Variants in ARHGAP26 observed in about 807,000 individuals in gnomAD.
The protein encoded by ARHGAP26 is rho GTPase-activating protein 26.
A neutral mutation model predicts 104.8 loss-of-function variants in ARHGAP26; 38 were observed. That is an observed-to-expected ratio of 0.36 (90% CI 0.28 to 0.48). ARHGAP26 has a LOEUF of 0.48. Ranked by LOEUF, ARHGAP26 falls within the 20% of genes least tolerant of loss-of-function variation. ARHGAP26 has a pLI of 0.99. For missense variants in ARHGAP26, 704 were observed against 947.9 expected, an observed-to-expected ratio of 0.74 and a Z score of 3.38; for synonymous variants, 341 against 340.0, an observed-to-expected ratio of 1.00 and a Z score of -0.03.
At chr5:143,148,111 G>A (rs1562508324) in intron 20 of ARHGAP26, among the ~76,000 whole-genome samples, 3 of 152,142 alleles carry the variant, frequency 2.0e-5, no homozygotes, top group Non-Finnish European at 4.4e-5. Context: ...CAGAAAGAAT[G>A]TGAGGCCATG....
At chr5:143,151,307 C>T (rs7442887) in intron 20 of ARHGAP26, among the ~76,000 whole-genome samples, 1 of 152,202 alleles carries the variant, frequency 6.6e-6, no homozygotes, top group African/African-American at 2.4e-5. Context: ...TGGGAACTCT[C>T]ACTCATTACT....
At chr5:142,936,975 C>G (rs368903718) in intron 11 of ARHGAP26, among the ~76,000 whole-genome samples, 13 of 151,982 alleles carry the variant, frequency 8.6e-5, no homozygotes, top group Non-Finnish European at 1.5e-4. Context: ...AGATGCAATG[C>G]GGAAAGCATA....
chr5:142,976,530 C>CT (rs1024306957), intron 11 of ARHGAP26, among the ~76,000 whole-genome samples: 38 of 152,282 alleles, frequency 2.5e-4, no homozygotes, highest in African/African-American at 8.2e-4. Context: ...TCAATGGAGT[C>CT]TTTAACATCC....
chr5:143,075,082 T>C (rs545967877), intron 17 of ARHGAP26, among the ~76,000 whole-genome samples: 61 of 152,362 alleles, frequency 4.0e-4, no homozygotes, highest in African/African-American at 1.4e-3. Flanking sequence ...CTAGATAGCC[T>C]AAAGCTGCAT....
intron 22 of ARHGAP26, among the ~76,000 whole-genome samples, chr5:143,214,877 G>A (rs1213917130): frequency 2.6e-5 from 4 of 152,204 alleles, no homozygotes; most frequent in Non-Finnish European, 5.9e-5. Flanking sequence ...CCCTTTTATC[G>A]TTCTCAAAGC....
chr5:143,129,262 G>C (rs1236812548), intron 18 of ARHGAP26, among the ~76,000 whole-genome samples: 3 of 152,166 alleles, frequency 2.0e-5, no homozygotes, highest in Non-Finnish European at 4.4e-5. Flanking sequence ...ATCCATTGTT[G>C]AATCTCCAGT....
rs370952380 is a variant in ARHGAP26, at chr5:143,014,608, G to T, written c.1144+492G>T. 2.0e-5 allele frequency among the ~76,000 whole-genome samples: 3 copies of T among 152,144 alleles called. No homozygotes were observed. In the East Asian group the frequency reaches 5.8e-4, roughly 29 times the overall value. Reference sequence around the variant, plus strand: ...TCTTGTGGGAGGAAAGAATGGAGATGAATTCTATGGTAATATTCCTCTCTA... The same window carrying T: ...TCTTGTGGGAGGAAAGAATGGAGATTAATTCTATGGTAATATTCCTCTCTA... On this transcript the variant is annotated intron_variant, in intron 12 of 22. Transcript: ENST00000645722.
At chr5:142,850,539 A>C (rs1338275593) in intron 1 of ARHGAP26, among the ~76,000 whole-genome samples, 1 of 152,228 alleles carries the variant, frequency 6.6e-6, no homozygotes, top group East Asian at 1.9e-4. Context: ...CTTGCATACA[A>C]ACTTTCGAAG....
At chr5:142,912,710 A>G (rs1337887607) in intron 9 of ARHGAP26, among the ~76,000 whole-genome samples, 1 of 152,200 alleles carries the variant, frequency 6.6e-6, no homozygotes, top group African/African-American at 2.4e-5. Context: ...ACATTATTGT[A>G]TTCATCACCT....
chr5:143,149,803 A>C (rs932597667), intron 20 of ARHGAP26, among the ~76,000 whole-genome samples: 3 of 152,144 alleles, frequency 2.0e-5, no homozygotes, highest in Non-Finnish European at 4.4e-5. Context: ...ATTACCATTA[A>C]CTTGACTATT....
At chr5:143,045,907 G>A (rs1054045247) in intron 14 of ARHGAP26, among the ~76,000 whole-genome samples, 2 of 152,146 alleles carry the variant, frequency 1.3e-5, no homozygotes, top group Non-Finnish European at 2.9e-5. Context: ...GTCAAGGTGA[G>A]CGATCACCTG....
chr5:142,964,025 A>G (rs1292569885), intron 11 of ARHGAP26, among the ~76,000 whole-genome samples: 1 of 152,246 alleles, frequency 6.6e-6, no homozygotes. Flanking sequence ...AAGATAAAGC[A>G]AAGCTGAAAT....
At chr5:142,814,286 C>A (rs1269321153) in intron 1 of ARHGAP26, among the ~76,000 whole-genome samples, 1 of 152,250 alleles carries the variant, frequency 6.6e-6, no homozygotes, top group Non-Finnish European at 1.5e-5. Flanking sequence ...CTTCCCTGTT[C>A]TTCCTGTTAG....
chr5:143,060,496 G>T (rs939136011), intron 17 of ARHGAP26, among the ~76,000 whole-genome samples: 3 of 152,110 alleles, frequency 2.0e-5, no homozygotes, highest in Non-Finnish European at 4.4e-5. Flanking sequence ...TAAAGCAAAT[G>T]ATTACCAGGG....
chr5:142,813,738 C>T (rs1414138747), intron 1 of ARHGAP26, among the ~76,000 whole-genome samples: 1 of 152,186 alleles, frequency 6.6e-6, no homozygotes, highest in African/African-American at 2.4e-5. Context: ...CCCTAATGAC[C>T]TCATTTGCCT....
At chr5:143,075,078 A>G (rs1788797417) in intron 17 of ARHGAP26, among the ~76,000 whole-genome samples, 2 of 152,268 alleles carry the variant, frequency 1.3e-5, no homozygotes, top group South Asian at 4.1e-4. Context: ...AAGGCTAGAT[A>G]GCCTAAAGCT....
rs528062007 is a variant in ARHGAP26 at position 142,927,948 on chromosome 5, T to G, written c.1029-4099T>G. The stretch of plus-strand genomic sequence containing the variant: ...CTCTATTTCTTAGCCTTATTGGCCA[T>G]TTGGATGTCCTCTTTTATGAAGTGC... On this transcript the variant is annotated intron_variant, in intron 10 of 22. Transcript: ENST00000645722. Among the ~76,000 whole-genome samples, 27 of 152,324 alleles carry G rather than the reference T, an allele frequency of 1.8e-4. No homozygotes were observed. The South Asian group carries it at 5.2e-3, about 29-fold the overall frequency.
chr5:143,209,359 A>G (rs1054489287), intron 21 of ARHGAP26, among the ~76,000 whole-genome samples: 1 of 152,162 alleles, frequency 6.6e-6, no homozygotes, highest in African/African-American at 2.4e-5. Flanking sequence ...ACAGAGGGCA[A>G]TGGCAATAGA....
At chr5:143,208,878 G>A (rs1043862703) in intron 21 of ARHGAP26, among the ~76,000 whole-genome samples, 12 of 152,184 alleles carry the variant, frequency 7.9e-5, no homozygotes, top group African/African-American at 2.9e-4. Flanking sequence ...TGACATTCTA[G>A]TGATTTCCTA....
Sources: allele counts gnomAD v4.1 joint callset (sites outside exome capture counted in the v4.1 genomes callset), GRCh38; gene constraint gnomAD v4.1.1; transcripts MANE v1.5; gene names NCBI Gene and HGNC (gene_info 2026-07-23, HGNC 2026-07-21).